DGKB: variants seen among roughly 807,000 people sequenced by gnomAD.
The protein encoded by DGKB is diacylglycerol kinase beta.
DGKB carries 67 observed loss-of-function variants against 114.3 expected under a neutral mutation model. The ratio of observed to expected loss-of-function variants is 0.59; its 90% CI spans 0.48 to 0.72. The LOEUF (loss-of-function observed/expected upper bound fraction) is 0.72, where lower values mean the gene tolerates loss of function less well. Ranked by LOEUF, DGKB falls within the 30% of genes least tolerant of loss-of-function variation. The probability of loss-of-function intolerance (pLI) is 0.00; values close to 1 mark genes in which losing one functional copy is unlikely to be tolerated. For missense variants in DGKB, 907 were observed against 975.2 expected, an observed-to-expected ratio of 0.93 and a Z score of 0.93; for synonymous variants, 398 against 323.1, an observed-to-expected ratio of 1.23 and a Z score of -2.49.
chr7:14,597,424 T>G (rs899908754), intron 17 of DGKB, among the ~76,000 whole-genome samples: 2 of 152,208 alleles, frequency 1.3e-5, no homozygotes, highest in African/African-American at 4.8e-5. Flanking sequence ...TATTTATGAT[T>G]TTAATAGTTG....
chr7:14,269,585 A>T (rs972301550), intron 23 of DGKB, among the ~76,000 whole-genome samples: 1 of 152,146 alleles, frequency 6.6e-6, no homozygotes, highest in Admixed American at 6.6e-5. Flanking sequence ...TCTTACAAGA[A>T]TCAAATATAT....
chr7:14,733,762 AAAGAAAGAAAGAAAGG>A (rs1831266026), intron 5 of DGKB, among the ~76,000 whole-genome samples: 1 of 135,690 alleles, frequency 7.4e-6, no homozygotes, highest in African/African-American at 2.8e-5. Flanking sequence ...AGAAAGAAAG[AAAGAAAGAAAGAAAGG>A]AAGAAAGAAA....
At chr7:14,198,552 G>C (rs2128284880) in intron 23 of DGKB, among the ~76,000 whole-genome samples, 1 of 152,112 alleles carries the variant, frequency 6.6e-6, no homozygotes, top group Admixed American at 6.6e-5. Flanking sequence ...GAAACCCATG[G>C]CTTACAATAC....
intron 2 of DGKB, among the ~76,000 whole-genome samples, chr7:14,821,704 T>A (rs185677711): frequency 1.3e-5 from 2 of 152,150 alleles, no homozygotes; most frequent in Non-Finnish European, 2.9e-5. Context: ...TTTATGTACA[T>A]CAGGACATCA....
chr7:14,166,705 C>T (rs1366164576), intron 25 of DGKB, among the ~76,000 whole-genome samples: 3 of 151,968 alleles, frequency 2.0e-5, no homozygotes, highest in African/African-American at 4.8e-5. Context: ...GGAAGAAGAC[C>T]AGAACATGAA....
intron 21 of DGKB, among the ~76,000 whole-genome samples, chr7:14,398,636 T>G (rs1822608836): frequency 6.6e-6 from 1 of 152,036 alleles, no homozygotes. Context: ...GATTTAGTAG[T>G]AACTTTATTC....
chr7:14,596,787 G>A (rs1802655325), intron 17 of DGKB, among the ~76,000 whole-genome samples: 2 of 152,248 alleles, frequency 1.3e-5, no homozygotes, highest in South Asian at 4.1e-4. Flanking sequence ...ACAGGGCATG[G>A]GGGAGGGCTC....
At chr7:14,463,029 G>T (rs1040637388) in intron 21 of DGKB, among the ~76,000 whole-genome samples, 1 of 152,134 alleles carries the variant, frequency 6.6e-6, no homozygotes, top group Non-Finnish European at 1.5e-5. Context: ...TGGGAAAACT[G>T]GCCAGCCATA....
At chr7:14,571,339 G>C (rs1798352272) in intron 20 of DGKB, among the ~76,000 whole-genome samples, 1 of 152,162 alleles carries the variant, frequency 6.6e-6, no homozygotes, top group Non-Finnish European at 1.5e-5. Flanking sequence ...ATTTGAAATG[G>C]AAGCCAGAAA....
At chr7:14,911,802 T>C (rs1025540062) in intron 1 of DGKB, among the ~76,000 whole-genome samples, 21 of 152,256 alleles carry the variant, frequency 1.4e-4, no homozygotes, top group Admixed American at 3.9e-4. Flanking sequence ...ACCAAAGATG[T>C]GAAAATAAAA....
At chr7:14,222,834 G>A (rs1790214281) in intron 23 of DGKB, among the ~76,000 whole-genome samples, 1 of 151,252 alleles carries the variant, frequency 6.6e-6, no homozygotes, top group Non-Finnish European at 1.5e-5. Context: ...ATTTTCTGTT[G>A]TTAGGGTATA....
intron 21 of DGKB, among the ~76,000 whole-genome samples, chr7:14,427,616 A>G (rs1827773930): frequency 6.6e-6 from 1 of 152,198 alleles, no homozygotes; most frequent in African/African-American, 2.4e-5. Context: ...TTACAGTTCC[A>G]CATGGCTGGG....
intron 20 of DGKB, among the ~76,000 whole-genome samples, chr7:14,536,752 C>G (rs1339480166): frequency 6.6e-6 from 1 of 151,748 alleles, no homozygotes; most frequent in Non-Finnish European, 1.5e-5. Context: ...AGCTTTTCCT[C>G]TAAGATGTGA....
At chr7:14,907,304 GC>G (rs1214316365), upstream of DGKB, among the ~76,000 whole-genome samples, 1 of 152,170 alleles carries the variant, frequency 6.6e-6, no homozygotes, top group Non-Finnish European at 1.5e-5. Context: ...CCATTTACAG[GC>G]CTTTCCACTG....
chr7:14,180,358 G>A (rs1409537973), intron 23 of DGKB, among the ~76,000 whole-genome samples: 1 of 152,064 alleles, frequency 6.6e-6, no homozygotes, highest in African/African-American at 2.4e-5. Context: ...TATTGCTACT[G>A]TCTACCACCC....
intron 8 of DGKB, among the ~76,000 whole-genome samples, chr7:14,697,163 T>G (rs765433335): frequency 2.6e-5 from 4 of 152,208 alleles, no homozygotes; most frequent in Admixed American, 6.5e-5. Context: ...GAAATTTTGA[T>G]GTTTATTCAA....
chr7:14,310,588 C>T (rs1234350032), intron 23 of DGKB, among the ~76,000 whole-genome samples: 2 of 152,188 alleles, frequency 1.3e-5, no homozygotes, highest in East Asian at 3.8e-4. Context: ...AGGCACCCTT[C>T]TTCTTCCTCC....
chr7:14,772,580 T>C (rs1837577796), intron 2 of DGKB, among the ~76,000 whole-genome samples: 1 of 152,194 alleles, frequency 6.6e-6, no homozygotes, highest in South Asian at 2.1e-4. Flanking sequence ...CTTTAAAGTT[T>C]AGATCACATA....
At chr7:14,288,101 C>T (rs1801161705) in intron 23 of DGKB, among the ~76,000 whole-genome samples, 1 of 151,754 alleles carries the variant, frequency 6.6e-6, no homozygotes, top group Admixed American at 6.6e-5. Flanking sequence ...GAAGCAATGG[C>T]AAGTAGTATC....
Sources: gnomAD v4.1 joint callset for allele counts (sites outside exome capture counted in the v4.1 genomes callset) on GRCh38, gnomAD v4.1.1 for gene constraint, MANE v1.5 for transcripts, NCBI Gene and HGNC (gene_info 2026-07-23, HGNC 2026-07-21) for gene names.